The following LARGE1 variants were observed in gnomAD, a reference collection of about 807,000 sequenced individuals.
LARGE1 encodes LARGE xylosyl- and glucuronyltransferase 1, also known as xylosyl- and glucuronyltransferase LARGE1.
In LARGE1, 43 loss-of-function variants were observed where a neutral mutation model predicts 87.6. The observed-to-expected ratio is 0.49, with a 90% CI of 0.38 to 0.63. LARGE1 has a LOEUF of 0.63. LARGE1 is among the 30% of genes least tolerant of loss of function. The pLI, the probability that LARGE1 is intolerant of heterozygous loss-of-function variation, is 0.00. For missense variants in LARGE1, 802 were observed against 1,000.2 expected (o/e 0.80, Z 2.67); for synonymous variants, 434 against 394.6 (o/e 1.10, Z -1.18).
intron 4 of LARGE1, among the ~76,000 whole-genome samples, chr22:33,612,973 G>C (rs1224221686): frequency 1.3e-5 from 2 of 152,192 alleles, no homozygotes; most frequent in African/African-American, 2.4e-5. Flanking sequence ...AGAAGGCAGA[G>C]TAAATCCAGA....
At chr22:33,644,764 A>G (rs778561264) in intron 3 of LARGE1, among the ~76,000 whole-genome samples, 19 of 152,224 alleles carry the variant, frequency 1.2e-4, no homozygotes, top group South Asian at 2.1e-4. Context: ...CTATACACCA[A>G]TAACAGACAA....
At chr22:33,861,038 C>A (rs1378450537) in intron 1 of LARGE1, among the ~76,000 whole-genome samples, 1 of 152,162 alleles carries the variant, frequency 6.6e-6, no homozygotes, top group Non-Finnish European at 1.5e-5. Context: ...GTGGGCAACG[C>A]TTCCTTAGGC....
intron 11 of LARGE1, among the ~76,000 whole-genome samples, chr22:33,264,306 T>C (rs1927805615): frequency 6.6e-6 from 1 of 152,182 alleles, no homozygotes; most frequent in African/African-American, 2.4e-5. Flanking sequence ...TCCTAATCCA[T>C]TCATGAAGAA....
intron 11 of LARGE1, among the ~76,000 whole-genome samples, chr22:33,181,534 C>CT (rs137369): frequency 0.16 from 23,856 of 145,896 alleles, 2,029 homozygotes; most frequent in South Asian, 0.33. Flanking sequence ...CTACATTACT[C>CT]TTTTTTTTTT....
the LARGE1 span, among the ~76,000 whole-genome samples, chr22:33,134,634 A>G: frequency 6.6e-6 from 1 of 152,164 alleles, no homozygotes; most frequent in African/African-American, 2.4e-5. Context: ...GTCATTGAGC[A>G]TGTAGAAGTT....
At chr22:33,762,376 G>A (rs533846594) in intron 1 of LARGE1, among the ~76,000 whole-genome samples, 9 of 152,210 alleles carry the variant, frequency 5.9e-5, no homozygotes, top group East Asian at 1.9e-4. Context: ...TGCCCTGTGC[G>A]TGGTCAGGAT....
the LARGE1 span, among the ~76,000 whole-genome samples, chr22:33,073,526 C>T: frequency 6.6e-6 from 1 of 152,146 alleles, no homozygotes; most frequent in East Asian, 1.9e-4. Flanking sequence ...TAACCTTTCC[C>T]TCCATTCTCT....
intron 9 of LARGE1, among the ~76,000 whole-genome samples, chr22:33,380,224 T>C (rs1433426284): frequency 3.3e-5 from 5 of 152,250 alleles, no homozygotes; most frequent in Non-Finnish European, 4.4e-5. Context: ...TAATCCATGA[T>C]ATTCTTGACA....
At chr22:33,607,992 G>T (rs1435072986) in intron 4 of LARGE1, among the ~76,000 whole-genome samples, 2 of 152,156 alleles carry the variant, frequency 1.3e-5, no homozygotes, top group African/African-American at 2.4e-5. Context: ...ATGCTTGGTG[G>T]CATGAAGGGA....
chr22:33,241,313 C>T (rs1231431624), intron 11 of LARGE1, among the ~76,000 whole-genome samples: 1 of 152,056 alleles, frequency 6.6e-6, no homozygotes, highest in African/African-American at 2.4e-5. Context: ...AGAAGCCTCC[C>T]CTGATTCTTC....
intron 1 of LARGE1, among the ~76,000 whole-genome samples, chr22:33,837,125 T>G (rs1026328020): frequency 2.6e-5 from 4 of 152,130 alleles, no homozygotes; most frequent in Non-Finnish European, 2.9e-5. Flanking sequence ...CTTGTCCCAC[T>G]GCTACATCCA....
chr22:33,866,967 A>G (rs5999124), intron 1 of LARGE1, among the ~76,000 whole-genome samples: 33,097 of 152,148 alleles, frequency 0.22, 4,405 homozygotes, highest in East Asian at 0.33. Context: ...GAACACCAAC[A>G]TGTCCAGCAT....
At position 33,716,272 on chromosome 22, in the gene LARGE1, T is replaced by C. The variant is rs1012006559; in HGVS notation, c.106+45099A>G. Among the ~76,000 whole-genome samples the C allele has an allele frequency of 3.3e-5, 5 of 152,238 alleles. No homozygotes were observed. In the East Asian group the frequency reaches 9.6e-4, roughly 29 times the overall value. On this transcript the variant is annotated intron_variant, in intron 2 of 14. Coordinates refer to ENST00000397394, the MANE Select transcript of LARGE1 (RefSeq NM_133642.5). ...TGCCCTGCAATATTTAGGATATATTTATACTAAAAAAATTGGCCATTGTTT... is the reference window on the plus strand; with the variant it reads ...TGCCCTGCAATATTTAGGATATATTCATACTAAAAAAATTGGCCATTGTTT...
At chr22:33,516,378 A>G (rs528785444) in intron 6 of LARGE1, among the ~76,000 whole-genome samples, 59 of 152,236 alleles carry the variant, frequency 3.9e-4, no homozygotes, top group Admixed American at 7.2e-4. Context: ...CACAGGATCT[A>G]AAGGGCCTTG....
At chr22:33,552,495 T>A (rs114338196) in intron 6 of LARGE1, among the ~76,000 whole-genome samples, 1,924 of 152,144 alleles carry the variant, frequency 0.013, 42 homozygotes, top group African/African-American at 0.044. Context: ...GTGCAGATGC[T>A]CCAGGACCCT....
chr22:33,759,349 C>A (rs1419319059), intron 2 of LARGE1, among the ~76,000 whole-genome samples: 1 of 152,186 alleles, frequency 6.6e-6, no homozygotes, highest in African/African-American at 2.4e-5. Flanking sequence ...CTCATTGAGG[C>A]CCCAATCTAT....
chr22:33,878,244 T>TCTC (rs372227908), intron 1 of LARGE1, among the ~76,000 whole-genome samples: 5,177 of 59,292 alleles, frequency 0.087, 315 homozygotes, highest in African/African-American at 0.27. Context: ...TTCAAGTGAT[T>TCTC]CTGCTTCAGT....
chr22:33,120,811 C>T, the LARGE1 span, among the ~76,000 whole-genome samples: 1 of 151,938 alleles, frequency 6.6e-6, no homozygotes, highest in Middle Eastern at 3.2e-3. Flanking sequence ...TCCACCATGC[C>T]CAACCACAGC....
intron 3 of LARGE1, among the ~76,000 whole-genome samples, chr22:33,631,107 C>T (rs532162800): frequency 6.6e-6 from 1 of 152,244 alleles, no homozygotes; most frequent in Admixed American, 6.5e-5. Context: ...CCCGCCTCAG[C>T]CTCCCAAAGT....
Sources: allele counts gnomAD v4.1 joint callset (sites outside exome capture counted in the v4.1 genomes callset), GRCh38; gene constraint gnomAD v4.1.1; transcripts MANE v1.5; gene names NCBI Gene and HGNC (gene_info 2026-07-23, HGNC 2026-07-21).